The following GSK3B variants were observed in gnomAD, a reference collection of about 807,000 sequenced individuals.
The protein encoded by GSK3B is glycogen synthase kinase 3 beta.
A neutral mutation model predicts 56.4 loss-of-function variants in GSK3B; 15 were observed. The ratio of observed to expected loss-of-function variants is 0.27; its 90% CI spans 0.18 to 0.41. The LOEUF (loss-of-function observed/expected upper bound fraction) is 0.41, where lower values mean the gene tolerates loss of function less well. GSK3B is among the 10% of genes least tolerant of loss of function. GSK3B has a pLI of 1.00. For missense variants in GSK3B, 300 were observed against 513.4 expected (o/e 0.58, Z 4.02); for synonymous variants, 181 against 188.9 (o/e 0.96, Z 0.34).
chr3:119,999,837 T>C (rs1160086107), intron 2 of GSK3B, among the ~76,000 whole-genome samples: 1 of 152,142 alleles, frequency 6.6e-6, no homozygotes, highest in African/African-American at 2.4e-5. Context: ...GAGAGTAACA[T>C]AAAAAGTTTG....
intron 7 of GSK3B, among the ~76,000 whole-genome samples, chr3:119,897,802 A>AG (rs1162342812): frequency 6.6e-6 from 1 of 151,478 alleles, no homozygotes; most frequent in Non-Finnish European, 1.5e-5. Flanking sequence ...TCAAAAAAAA[A>AG]AAAAAAAAAG....
Position 119,824,838 on chromosome 3 carries a change from T to G in GSK3B, c.*1950A>C, listed in dbSNP as rs918988612. ...AAAACCAAGATGGCTCACAGTTGTCTTTCTGGGTACTGGTTCACTTCAGCA... is the reference window on the plus strand; with the variant it reads ...AAAACCAAGATGGCTCACAGTTGTCGTTCTGGGTACTGGTTCACTTCAGCA... On this transcript the variant is annotated 3_prime_UTR_variant, in exon 11 of 11. Coordinates refer to ENST00000264235, the MANE Select transcript of GSK3B (RefSeq NM_001146156.2). 5.5e-6 allele frequency: 1 copy of G among 183,314 alleles called. No homozygotes were observed. The highest frequency in any genetic ancestry group is 1.2e-5 in the Non-Finnish European group (1 of 86,230). The allele number at this position is 183,314 out of a possible 1,614,324, so 11.4% of individuals were successfully genotyped here.
At chr3:119,921,777 T>C (rs910561832) in intron 4 of GSK3B, among the ~76,000 whole-genome samples, 1 of 152,214 alleles carries the variant, frequency 6.6e-6, no homozygotes, top group African/African-American at 2.4e-5. Context: ...ACTGGGTATC[T>C]AATGACACTA....
chr3:119,881,898 T>G lies in GSK3B; in HGVS notation c.814-5390A>C, dbSNP rs959913627. On this transcript the variant is annotated intron_variant, in intron 7 of 10. Coordinates refer to ENST00000264235, the MANE Select transcript of GSK3B (RefSeq NM_001146156.2). ...GATCTGATGGTTTTATAAAGGGGAG[T>G]TTCCCTGCACAAGACAAGCTCTCGT... 2.6e-5 allele frequency among the ~76,000 whole-genome samples: 4 copies of G among 151,464 alleles called. No individual in the cohort carries two copies. In the East Asian group the frequency reaches 7.7e-4, roughly 29 times the overall value.
At chr3:119,859,243 G>GT (rs2056067138) in intron 9 of GSK3B, among the ~76,000 whole-genome samples, 1 of 149,502 alleles carries the variant, frequency 6.7e-6, no homozygotes, top group South Asian at 2.1e-4. Context: ...ATAAAACAAT[G>GT]TATGTCCATA....
chr3:120,081,713 T>C (rs1012540633), intron 1 of GSK3B, among the ~76,000 whole-genome samples: 4 of 152,074 alleles, frequency 2.6e-5, no homozygotes, highest in Admixed American at 6.5e-5. Flanking sequence ...AGTGACCCAA[T>C]ACAAAAAGGA....
intron 1 of GSK3B, among the ~76,000 whole-genome samples, chr3:120,075,368 A>C (rs1348077275): frequency 6.6e-6 from 1 of 152,206 alleles, no homozygotes; most frequent in Non-Finnish European, 1.5e-5. Context: ...GAATACTAGA[A>C]GTGCTGGAAG....
intron 2 of GSK3B, among the ~76,000 whole-genome samples, chr3:119,949,755 C>T (rs1305741920): frequency 7.6e-6 from 1 of 132,030 alleles, no homozygotes; most frequent in Non-Finnish European, 1.5e-5. Context: ...GAGCTGTGAT[C>T]ACGCCACAGC....
At chr3:120,057,320 C>T (rs1343583629) in intron 1 of GSK3B, among the ~76,000 whole-genome samples, 1 of 152,032 alleles carries the variant, frequency 6.6e-6, no homozygotes, top group Admixed American at 6.6e-5. Flanking sequence ...ATCCTAGTAA[C>T]GTGACTAGGA....
chr3:119,996,901 C>CA (rs752026180), intron 2 of GSK3B, among the ~76,000 whole-genome samples: 161 of 151,384 alleles, frequency 1.1e-3, no homozygotes, highest in African/African-American at 3.7e-3. Flanking sequence ...AAAATACCTC[C>CA]AAAAAAAATC....
chr3:119,990,091 C>T (rs2057550210), intron 2 of GSK3B, among the ~76,000 whole-genome samples: 1 of 152,160 alleles, frequency 6.6e-6, no homozygotes, highest in African/African-American at 2.4e-5. Context: ...GTCAGCATGA[C>T]CATAAACCAC....
intron 9 of GSK3B, among the ~76,000 whole-genome samples, chr3:119,852,543 T>C (rs2055950845): frequency 1.3e-5 from 2 of 152,094 alleles, no homozygotes; most frequent in African/African-American, 4.8e-5. Flanking sequence ...AGACGGGTTT[T>C]CGCCATGTTG....
chr3:119,837,710 T>C (rs1033035454), intron 10 of GSK3B, among the ~76,000 whole-genome samples: 2 of 151,904 alleles, frequency 1.3e-5, no homozygotes, highest in African/African-American at 4.8e-5. Context: ...ACATCTCACA[T>C]TCAACTCATC....
intron 2 of GSK3B, among the ~76,000 whole-genome samples, chr3:119,980,993 G>A (rs145689098): frequency 1.5e-3 from 232 of 152,272 alleles, no homozygotes; most frequent in Middle Eastern, 3.4e-3. Context: ...AAGAAATGTT[G>A]TATAATTTAA....
Position 119,938,451 on chromosome 3 carries a change from C to CT in GSK3B, c.366+8816dup, listed in dbSNP as rs1421330783. ...CCATGACCAAGATTGGGGTATAATC[C>CT]TTTATCTCAGGAATACAACAGTGGT... is the stretch of plus-strand genomic sequence containing the variant. On this transcript the variant is annotated intron_variant, in intron 3 of 10. Transcript: ENST00000264235. Among the ~76,000 whole-genome samples the CT allele has an allele frequency of 2.6e-5, 4 of 151,974 alleles. No individual in the cohort carries two copies. The East Asian group carries it at 7.7e-4, about 29-fold the overall frequency.
At chr3:119,933,733 C>T (rs770286914) in intron 3 of GSK3B, among the ~76,000 whole-genome samples, 1 of 152,076 alleles carries the variant, frequency 6.6e-6, no homozygotes, top group Non-Finnish European at 1.5e-5. Context: ...AAAAATTAGC[C>T]AGGCATGGTG....
intron 2 of GSK3B, among the ~76,000 whole-genome samples, chr3:119,977,661 C>T (rs1171264985): frequency 1.3e-5 from 2 of 152,192 alleles, no homozygotes; most frequent in Admixed American, 1.3e-4. Context: ...AAGTTTCTAT[C>T]GGTTTTATCA....
intron 1 of GSK3B, among the ~76,000 whole-genome samples, chr3:120,006,350 A>T (rs1171734426): frequency 6.6e-6 from 1 of 152,214 alleles, no homozygotes; most frequent in African/African-American, 2.4e-5. Flanking sequence ...TATTAGACAG[A>T]TCAAGGAGAC....
chr3:119,967,139 C>A (rs995721016), intron 2 of GSK3B, among the ~76,000 whole-genome samples: 2 of 151,808 alleles, frequency 1.3e-5, no homozygotes, highest in Non-Finnish European at 2.9e-5. Context: ...AGTGCAGTGG[C>A]CTGAACTCAG....
Sources: allele counts gnomAD v4.1 joint callset (sites outside exome capture counted in the v4.1 genomes callset), GRCh38; gene constraint gnomAD v4.1.1; transcripts MANE v1.5; gene names NCBI Gene and HGNC (gene_info 2026-07-23, HGNC 2026-07-21).